The following ZFHX4 variants were observed in gnomAD, a reference collection of about 807,000 sequenced individuals.
ZFHX4 encodes zinc finger homeobox protein 4.
In ZFHX4, 56 loss-of-function variants were observed where a neutral mutation model predicts 267.6. The observed-to-expected ratio is 0.21, with a 90% confidence interval of 0.17 to 0.26. ZFHX4 has a LOEUF of 0.26. Ranked by LOEUF, ZFHX4 falls within the 10% of genes least tolerant of loss-of-function variation. ZFHX4 has a pLI of 1.00. For synonymous variants in ZFHX4, 1,778 were observed against 1,665.6 expected, an observed-to-expected ratio of 1.07 and a Z score of -1.64; for missense variants, 4,332 against 4,420.0, an observed-to-expected ratio of 0.98 and a Z score of 0.56.
chr8:76,816,590 C>CTTTTTTT (rs950143569), intron 4 of ZFHX4, among the ~76,000 whole-genome samples: 2 of 113,032 alleles, frequency 1.8e-5, no homozygotes, highest in African/African-American at 3.5e-5. Flanking sequence ...ATTTAAATGT[C>CTTTTTTT]TTTTTTTTTT....
rs947422811 is a variant in ZFHX4 at position 76,850,916 on chromosome 8, C to G, written c.3995C>G (p.Ala1332Gly). Residue 1332 changes from alanine to glycine, a missense_variant, in exon 10 of 11, where the codon GCA becomes GGA. Transcript: ENST00000651372. ...AGTCCAATGGATGACAAAAGCATGG[C>G]AGGTCTCGAGGATTCAAAGGCTAAT... ...GESPMDDKSM[A>G]GLEDSKANVE... The G allele has an allele frequency of 1.2e-5, 20 of 1,609,888 alleles. No homozygotes were observed. Among genetic ancestry groups the G allele is most frequent in the Non-Finnish European group, 1.7e-5 (20 of 1,178,156 alleles).
At chr8:76,786,252 C>A (rs1160216638) in intron 4 of ZFHX4, among the ~76,000 whole-genome samples, 1 of 151,648 alleles carries the variant, frequency 6.6e-6, no homozygotes, top group African/African-American at 2.4e-5. Flanking sequence ...CATGATAATC[C>A]CCTGCTATTC....
In ZFHX4 at chr8:76,833,697, G is replaced by T. The variant is rs1350733688; in HGVS notation, c.3394+291G>T. On this transcript the variant is annotated intron_variant, in intron 5 of 10. Transcript: ENST00000651372. ...TATCACTGCCCTCCCCACCAGAGTGGTACACTTGTTCAGTGATGAATCTAT... is the reference window on the plus strand; with the variant it reads ...TATCACTGCCCTCCCCACCAGAGTGTTACACTTGTTCAGTGATGAATCTAT... 3 of 327,148 alleles carry T rather than the reference G, an allele frequency of 9.2e-6. No individual in the cohort carries two copies. In the Admixed American group the frequency reaches 1.4e-4, roughly 15 times the overall value. The allele number at this position is 327,148 out of a possible 1,614,324, so 20.3% of individuals were successfully genotyped here.
intron 4 of ZFHX4, among the ~76,000 whole-genome samples, chr8:76,791,253 A>G (rs770720154): frequency 2.0e-5 from 3 of 152,112 alleles, no homozygotes; most frequent in Non-Finnish European, 4.4e-5. Flanking sequence ...CACTTTTTAT[A>G]CAGATCACAC....
chr8:76,683,655 GGA>G (rs71850038), intron 1 of ZFHX4: 47,044 of 146,888 alleles, frequency 0.32, 11,119 homozygotes, highest in African/African-American at 0.67. Flanking sequence ...GGGGAGAGAG[GGA>G]GAGAGAGAGA....
intron 2 of ZFHX4, 34 bp from the exon 3 acceptor site, chr8:76,707,512 C>A: frequency 6.8e-7 from 1 of 1,463,548 alleles, no homozygotes; most frequent in South Asian, 1.4e-5. Flanking sequence ...GTTTTCTAGT[C>A]TCTATTTTTC....
At chr8:76,848,191 G>A (rs953312654) in intron 6 of ZFHX4, among the ~76,000 whole-genome samples, 10 of 152,246 alleles carry the variant, frequency 6.6e-5, no homozygotes, top group African/African-American at 1.9e-4. Context: ...ACCCAATGTC[G>A]CTGTAATATC....
At chr8:76,754,851 C>G (rs572957118) in intron 3 of ZFHX4, among the ~76,000 whole-genome samples, 1 of 152,158 alleles carries the variant, frequency 6.6e-6, no homozygotes, top group Admixed American at 6.6e-5. Context: ...TCCTCTTACC[C>G]TTCCCAGTGT....
intron 1 of ZFHX4, among the ~76,000 whole-genome samples, chr8:76,688,252 A>AT: frequency 6.6e-6 from 1 of 152,244 alleles, no homozygotes; most frequent in South Asian, 2.1e-4. Flanking sequence ...TAATGATGGA[A>AT]TATAAGGTGC....
At chr8:76,805,184 C>T (rs1034725183) in intron 4 of ZFHX4, among the ~76,000 whole-genome samples, 7 of 152,072 alleles carry the variant, frequency 4.6e-5, no homozygotes, top group Non-Finnish European at 8.8e-5. Context: ...CCTCATGTGA[C>T]CTTCTATGTG....
intron 10 of ZFHX4, among the ~76,000 whole-genome samples, chr8:76,860,282 CT>C (rs1194995534): frequency 6.6e-6 from 1 of 151,994 alleles, no homozygotes; most frequent in Non-Finnish European, 1.5e-5. Flanking sequence ...TTTAACTCAG[CT>C]TTTTGCCTCA....
At chr8:76,765,196 A>T (rs1810020785) in intron 3 of ZFHX4, among the ~76,000 whole-genome samples, 1 of 152,214 alleles carries the variant, frequency 6.6e-6, no homozygotes, top group Non-Finnish European at 1.5e-5. Flanking sequence ...AAGGTGCTTG[A>T]GAATTATGCT....
rs759420709 is a variant in ZFHX4, at chr8:76,863,962, C to T, written c.10248C>T (p.Asp3416=). The T allele has an allele frequency of 8.7e-5, 140 of 1,610,796 alleles. 2 individuals carry two copies. The highest frequency in any genetic ancestry group is 3.0e-4 in the South Asian group (27 of 90,506). ...GCCAGATGATGTTTACTGATGAAGA[C>T]GCCGCAGTAAATCATCAAAAGTCCT... ...RKCQMMFTDE[D]AAVNHQKSFC... The change falls in exon 11 of 11, where the codon GAC becomes GAT. Residue 3416 remains aspartate, a synonymous_variant. Coordinates refer to ENST00000651372, the MANE Select transcript of ZFHX4 (RefSeq NM_024721.5).
intron 3 of ZFHX4, among the ~76,000 whole-genome samples, chr8:76,736,823 A>T (rs970445760): frequency 6.6e-6 from 1 of 152,106 alleles, no homozygotes; most frequent in Non-Finnish European, 1.5e-5. Context: ...CAAGTTTTTC[A>T]AAAAAGGAAG....
chr8:76,694,519 C>G (rs1807903615), intron 1 of ZFHX4, among the ~76,000 whole-genome samples: 1 of 152,174 alleles, frequency 6.6e-6, no homozygotes, highest in Admixed American at 6.5e-5. Flanking sequence ...TGCTCTGCTG[C>G]AGATGCCCAT....
intron 3 of ZFHX4, among the ~76,000 whole-genome samples, chr8:76,733,133 G>A (rs1023254527): frequency 1.3e-5 from 2 of 152,076 alleles, no homozygotes; most frequent in Non-Finnish European, 1.5e-5. Context: ...TTGTTCAGGG[G>A]TGGCGGTTTG....
chr8:76,803,732 A>G (rs1585962491), intron 4 of ZFHX4, among the ~76,000 whole-genome samples: 1 of 152,280 alleles, frequency 6.6e-6, no homozygotes, highest in East Asian at 1.9e-4. Context: ...GGGCAAATAA[A>G]CAAGAAAGCC....
In ZFHX4 at chr8:76,852,585, A is replaced by G; in HGVS notation, c.5664A>G (p.Gln1888=). Reference sequence around the variant, plus strand: ...AAGAAGGCAAAGACACAAAGAAGCAAAAATCCTTGGAACCATCCATCCCAC... The same window carrying G: ...AAGAAGGCAAAGACACAAAGAAGCAGAAATCCTTGGAACCATCCATCCCAC... ...GLKEGKDTKK[Q]KSLEPSIPPP... The change falls in exon 10 of 11, where the codon CAA becomes CAG. Residue 1888 remains glutamine (Q), a synonymous_variant. Coordinates refer to ENST00000651372, the MANE Select transcript of ZFHX4 (RefSeq NM_024721.5). The G allele has an allele frequency of 6.2e-7, 1 of 1,612,076 alleles. No individual in the cohort carries two copies. Among genetic ancestry groups the G allele is most frequent in the South Asian group, 1.1e-5 (1 of 90,678 alleles).
At chr8:76,727,237 T>C (rs1028490675) in intron 3 of ZFHX4, among the ~76,000 whole-genome samples, 4 of 152,066 alleles carry the variant, frequency 2.6e-5, no homozygotes, top group Non-Finnish European at 5.9e-5. Context: ...AAAAGGAGCC[T>C]CTTTCTGCTG....
Sources: gnomAD v4.1 joint callset for allele counts (sites outside exome capture counted in the v4.1 genomes callset) on GRCh38, gnomAD v4.1.1 for gene constraint, MANE v1.5 for transcripts, NCBI Gene and HGNC (gene_info 2026-07-23, HGNC 2026-07-21) for gene names.